Variants in ULK4 observed in about 807,000 individuals in gnomAD.
ULK4 encodes unc-51 like kinase 4.
A neutral mutation model predicts 160.6 loss-of-function variants in ULK4; 133 were observed. That is an observed-to-expected ratio of 0.83 (90% CI 0.72 to 0.96). ULK4 has a LOEUF of 0.96. Among genes scored for constraint, ULK4 ranks in the 40% least tolerant of loss-of-function variants. The probability of loss-of-function intolerance (pLI) is 0.00; values close to 1 mark genes in which losing one functional copy is unlikely to be tolerated. For missense variants in ULK4, 1,580 were observed against 1,499.5 expected, an observed-to-expected ratio of 1.05 and a Z score of -0.89; for synonymous variants, 534 against 539.8, an observed-to-expected ratio of 0.99 and a Z score of 0.15.
chr3:41,300,837 T>TTTTATATATATATATA (rs1491100332), intron 35 of ULK4, among the ~76,000 whole-genome samples: 3 of 57,876 alleles, frequency 5.2e-5, no homozygotes, highest in African/African-American at 1.4e-4. Flanking sequence ...ATTTTACAGA[T>TTTTATATATATATATA]TATATATATA....
intron 34 of ULK4, among the ~76,000 whole-genome samples, chr3:41,448,770 G>A (rs985451189): frequency 6.6e-6 from 1 of 152,192 alleles, no homozygotes; most frequent in Non-Finnish European, 1.5e-5. Flanking sequence ...ATGAAACGGG[G>A]CAGGATGGCG....
intron 4 of ULK4, among the ~76,000 whole-genome samples, chr3:41,935,017 A>ATTT (rs10635589): frequency 0.022 from 2,515 of 112,830 alleles, 83 homozygotes; most frequent in East Asian, 0.039. Context: ...TTATTTATTA[A>ATTT]TTTTTTTTTT....
intron 34 of ULK4, among the ~76,000 whole-genome samples, chr3:41,422,029 C>A (rs1194010132): frequency 6.6e-6 from 1 of 151,942 alleles, no homozygotes. Flanking sequence ...TTTAAACTGG[C>A]AGCCCTCCTA....
At chr3:41,564,088 G>A (rs953865268) in intron 32 of ULK4, among the ~76,000 whole-genome samples, 2 of 152,116 alleles carry the variant, frequency 1.3e-5, no homozygotes, top group African/African-American at 4.8e-5. Flanking sequence ...ATTCCTTTCT[G>A]TTTGTTAATT....
At chr3:41,954,858 T>G in intron 1 of ULK4, 51 bp from the exon 2 acceptor site, 1 of 1,217,572 alleles carries the variant, frequency 8.2e-7, no homozygotes, top group Non-Finnish European at 1.1e-6. Context: ...GTTGCATAAT[T>G]AATTAGCCTA....
chr3:41,569,695 T>C (rs913102386), intron 31 of ULK4, among the ~76,000 whole-genome samples: 1 of 152,152 alleles, frequency 6.6e-6, no homozygotes, highest in Non-Finnish European at 1.5e-5. Context: ...TTTTACACCG[T>C]GTCCTCTCTC....
intron 18 of ULK4, among the ~76,000 whole-genome samples, chr3:41,831,838 T>A (rs1324691908): frequency 6.6e-6 from 1 of 152,164 alleles, no homozygotes; most frequent in Non-Finnish European, 1.5e-5. Flanking sequence ...CTGAGGATGA[T>A]GGCTTCCAGC....
intron 25 of ULK4, among the ~76,000 whole-genome samples, chr3:41,709,954 G>T (rs2037035355): frequency 1.3e-5 from 2 of 152,176 alleles, no homozygotes; most frequent in South Asian, 2.1e-4. Flanking sequence ...CACAAATGCT[G>T]GTGATGTGAA....
At chr3:41,644,130 G>A (rs868066732) in intron 30 of ULK4, among the ~76,000 whole-genome samples, 42 of 152,174 alleles carry the variant, frequency 2.8e-4, no homozygotes, top group South Asian at 8.3e-4. Context: ...CAATCATGTC[G>A]TCTGCAAACA....
At chr3:41,775,918 C>T (rs1230480097) in intron 21 of ULK4, among the ~76,000 whole-genome samples, 1 of 150,892 alleles carries the variant, frequency 6.6e-6, no homozygotes, top group African/African-American at 2.5e-5. Flanking sequence ...TATCCAATCT[C>T]TTGTTGGTTA....
intron 29 of ULK4, among the ~76,000 whole-genome samples, chr3:41,664,671 T>C (rs771997721): frequency 5.9e-5 from 9 of 152,160 alleles, no homozygotes; most frequent in South Asian, 2.1e-4. Flanking sequence ...ACTGGGTACA[T>C]TGCACTCTGA....
chr3:41,839,768 A>C (rs1046786074), intron 17 of ULK4, among the ~76,000 whole-genome samples: 1 of 152,168 alleles, frequency 6.6e-6, no homozygotes, highest in African/African-American at 2.4e-5. Context: ...TTCAAAATAC[A>C]ACTGTACTCC....
chr3:41,357,195 T>C (rs959403822), intron 35 of ULK4, among the ~76,000 whole-genome samples: 6 of 152,218 alleles, frequency 3.9e-5, no homozygotes, highest in Non-Finnish European at 7.3e-5. Flanking sequence ...ATGAAGCAGA[T>C]GTTACAATCT....
chr3:41,644,986 T>C (rs1453800714), intron 30 of ULK4, among the ~76,000 whole-genome samples: 1 of 151,468 alleles, frequency 6.6e-6, no homozygotes. Context: ...TGTGTAGAGG[T>C]GTTTGTAGTA....
At chr3:41,883,097 T>C (rs1697583456) in intron 17 of ULK4, among the ~76,000 whole-genome samples, 1 of 152,152 alleles carries the variant, frequency 6.6e-6, no homozygotes, top group African/African-American at 2.4e-5. Context: ...TACACTGAAA[T>C]TAAATTAATC....
At chr3:41,510,773 C>A (rs2085544739) in intron 32 of ULK4, among the ~76,000 whole-genome samples, 1 of 152,122 alleles carries the variant, frequency 6.6e-6, no homozygotes, top group South Asian at 2.1e-4. Context: ...TTTAAAAATT[C>A]TTTGAACTGA....
chr3:41,316,614 A>AAGAGGGAG (rs752554658), intron 35 of ULK4, among the ~76,000 whole-genome samples: 2 of 152,180 alleles, frequency 1.3e-5, no homozygotes, highest in African/African-American at 2.4e-5. Context: ...GTATTACTAG[A>AAGAGGGAG]AGAGGGAGAC....
chr3:41,668,270 T>C (rs2035415321), intron 29 of ULK4, among the ~76,000 whole-genome samples: 1 of 152,160 alleles, frequency 6.6e-6, no homozygotes, highest in Non-Finnish European at 1.5e-5. Flanking sequence ...TTCTGCTAAA[T>C]GAAAGGCTAG....
intron 35 of ULK4, among the ~76,000 whole-genome samples, chr3:41,369,784 A>G (rs1197108457): frequency 2.8e-5 from 4 of 143,280 alleles, no homozygotes; most frequent in Admixed American, 1.4e-4. Flanking sequence ...ACAGAGTGAG[A>G]CTATGTCTCA....
Sources: allele counts gnomAD v4.1 joint callset (sites outside exome capture counted in the v4.1 genomes callset), GRCh38; gene constraint gnomAD v4.1.1; transcripts MANE v1.5; gene names NCBI Gene and HGNC (gene_info 2026-07-23, HGNC 2026-07-21).